The following PARD3 variants were observed in gnomAD, a reference collection of about 807,000 sequenced individuals.
PARD3 encodes the protein partitioning defective 3 homolog.
In PARD3, 75 loss-of-function variants were observed where a neutral mutation model predicts 155.4. The ratio of observed to expected loss-of-function variants is 0.48; its 90% confidence interval spans 0.40 to 0.58. The LOEUF (loss-of-function observed/expected upper bound fraction) is 0.58. PARD3 is among the 20% of genes least tolerant of loss of function. PARD3 has a pLI of 0.00. For synonymous variants in PARD3, 576 were observed against 610.5 expected (o/e 0.94, Z 0.83); for missense variants, 1,642 against 1,721.7 (o/e 0.95, Z 0.82).
At chr10:34,538,043 T>C (rs888433439) in intron 2 of PARD3, among the ~76,000 whole-genome samples, 1 of 152,196 alleles carries the variant, frequency 6.6e-6, no homozygotes, top group Admixed American at 6.5e-5. Flanking sequence ...TCATCCTAAG[T>C]GTAATAAATG....
At chr10:34,777,192 A>G (rs1210294107) in intron 1 of PARD3, among the ~76,000 whole-genome samples, 1 of 151,804 alleles carries the variant, frequency 6.6e-6, no homozygotes, top group Non-Finnish European at 1.5e-5. Flanking sequence ...GAACCTTCGA[A>G]GACTCCTGCC....
intron 1 of PARD3, among the ~76,000 whole-genome samples, chr10:34,698,088 G>A (rs540418822): frequency 1.6e-4 from 24 of 151,708 alleles, no homozygotes; most frequent in Non-Finnish European, 3.1e-4. Context: ...CAAGCTCAAG[G>A]GTGACCCAAT....
intron 3 of PARD3, among the ~76,000 whole-genome samples, chr10:34,470,665 CAG>C (rs2133077811): frequency 6.6e-6 from 1 of 152,248 alleles, no homozygotes; most frequent in Admixed American, 6.5e-5. Context: ...AGTGTGTACT[CAG>C]TAGAGAGTAA....
rs186658998 is a variant in PARD3 at position 34,170,089 on chromosome 10, T to G, written c.3420-38506A>C. ...TTTCAGAGCTAATTTAGGATACTTT[T>G]GTTGTTGCTATTTTTTGAGACAGGG... On this transcript the variant is annotated intron_variant, in intron 22 of 24. Transcript: ENST00000374788. Among the ~76,000 whole-genome samples, 116 of 152,326 alleles carry G rather than the reference T, an allele frequency of 7.6e-4. 2 individuals are homozygous for G. The highest frequency in any genetic ancestry group is 6.8e-3 in the Middle Eastern group (2 of 294).
rs189439320 is a variant in PARD3, at chr10:34,185,705, C to G, written c.3420-54122G>C. ...AAGCCAGGGCAGGCAGTGCCCACAC[C>G]TCCTACTCGAGGCTTCATTTCTGAA... is the stretch of plus-strand genomic sequence containing the variant. On this transcript the variant is annotated intron_variant, in intron 22 of 24. Coordinates refer to ENST00000374788, the MANE Select transcript of PARD3 (RefSeq NM_001184785.2). Among the ~76,000 whole-genome samples the G allele has an allele frequency of 2.6e-5, 4 of 151,934 alleles. No individual in the cohort carries two copies. The East Asian group carries it at 7.8e-4, about 29-fold the overall frequency.
At chr10:34,130,827 G>A (rs1294411905) in intron 23 of PARD3, among the ~76,000 whole-genome samples, 1 of 152,186 alleles carries the variant, frequency 6.6e-6, no homozygotes, top group Admixed American at 6.5e-5. Context: ...TTGGGAGACT[G>A]AAGAATGAGG....
At chr10:34,691,116 G>A (rs1288907923) in intron 2 of PARD3, among the ~76,000 whole-genome samples, 1 of 152,122 alleles carries the variant, frequency 6.6e-6, no homozygotes, top group Non-Finnish European at 1.5e-5. Flanking sequence ...CTCAAGAGGT[G>A]AGGTGGCACC....
intron 2 of PARD3, among the ~76,000 whole-genome samples, chr10:34,558,830 C>A (rs898393858): frequency 6.6e-6 from 1 of 152,128 alleles, no homozygotes; most frequent in East Asian, 1.9e-4. Flanking sequence ...GCCTGTAATG[C>A]CAGCTACTCA....
chr10:34,551,464 G>C (rs1301779416), intron 2 of PARD3, among the ~76,000 whole-genome samples: 1 of 152,138 alleles, frequency 6.6e-6, no homozygotes. Context: ...GGCCACCTCA[G>C]GGTCAAAGAG....
chr10:34,725,065 T>TA (rs1252109694), intron 1 of PARD3, among the ~76,000 whole-genome samples: 2 of 151,344 alleles, frequency 1.3e-5, no homozygotes, highest in African/African-American at 4.9e-5. Flanking sequence ...AAGAGTCCCT[T>TA]ACTCATAGAA....
At chr10:34,556,368 A>G (rs1467394129) in intron 2 of PARD3, among the ~76,000 whole-genome samples, 1 of 146,214 alleles carries the variant, frequency 6.8e-6, no homozygotes, top group African/African-American at 2.7e-5. Context: ...CCACCCTTCC[A>G]ATTCCTTTTC....
At chr10:34,254,537 C>CGT (rs55901749) in intron 22 of PARD3, among the ~76,000 whole-genome samples, 9,824 of 145,412 alleles carry the variant, frequency 0.068, 380 homozygotes, top group Admixed American at 0.11. Context: ...GGTAGGTAAA[C>CGT]GTGTGTGTGT....
chr10:34,721,172 G>A (rs941300304), intron 1 of PARD3, among the ~76,000 whole-genome samples: 2 of 152,008 alleles, frequency 1.3e-5, no homozygotes, highest in Admixed American at 1.3e-4. Context: ...AAAATGACTC[G>A]GTTATATATA....
At chr10:34,222,957 C>G (rs926561779) in intron 22 of PARD3, among the ~76,000 whole-genome samples, 1 of 152,332 alleles carries the variant, frequency 6.6e-6, no homozygotes, top group Non-Finnish European at 1.5e-5. Flanking sequence ...ATTCAGCTGC[C>G]GAAAACCTTT....
intron 4 of PARD3, among the ~76,000 whole-genome samples, chr10:34,469,871 A>T (rs748898233): frequency 3.3e-5 from 5 of 152,182 alleles, no homozygotes; most frequent in African/African-American, 1.2e-4. Flanking sequence ...ATAAGTGCAC[A>T]CCATACACGG....
intron 1 of PARD3, among the ~76,000 whole-genome samples, chr10:34,765,578 T>A (rs993858795): frequency 6.6e-6 from 1 of 151,608 alleles, no homozygotes; most frequent in African/African-American, 2.4e-5. Flanking sequence ...CTCGGGAGGC[T>A]GACACAGGAG....
In PARD3 at chr10:34,119,558, C is replaced by G. The variant is rs537439289; in HGVS notation, c.3668+55G>C. On this transcript the variant is annotated intron_variant, in intron 24 of 24. Coordinates refer to ENST00000374788, the MANE Select transcript of PARD3 (RefSeq NM_001184785.2). ...TGGGAAGGAGCGCGTTCCTAAAGGGCGGGGGATCTTAAAGGGCCGGGGGGA... is the reference window on the plus strand; with the variant it reads ...TGGGAAGGAGCGCGTTCCTAAAGGGGGGGGGATCTTAAAGGGCCGGGGGGA... 184 of 1,525,716 alleles carry G rather than the reference C, an allele frequency of 1.2e-4. No homozygotes were observed. The African/African-American group carries it at 2.0e-3, about 17-fold the overall frequency. The allele number at this position is 1,525,716 out of a possible 1,614,324, so 94.5% of individuals were successfully genotyped here.
intron 2 of PARD3, among the ~76,000 whole-genome samples, chr10:34,541,270 T>C (rs921513512): frequency 6.6e-6 from 1 of 152,158 alleles, no homozygotes; most frequent in Non-Finnish European, 1.5e-5. Context: ...GAAACACAAA[T>C]GCAAAGAGAA....
chr10:34,734,311 T>C (rs1590870576), intron 1 of PARD3, among the ~76,000 whole-genome samples: 1 of 137,810 alleles, frequency 7.3e-6, no homozygotes, highest in Non-Finnish European at 1.6e-5. Context: ...ATATAACAAA[T>C]ATATGGGGCC....
Sources: allele counts gnomAD v4.1 joint callset (sites outside exome capture counted in the v4.1 genomes callset), GRCh38; gene constraint gnomAD v4.1.1; transcripts MANE v1.5; gene names NCBI Gene and HGNC (gene_info 2026-07-23, HGNC 2026-07-21).